The following CDK14 variants were observed in gnomAD, a reference collection of about 807,000 sequenced individuals.
CDK14 encodes the protein cyclin-dependent kinase 14.
A neutral mutation model predicts 60.7 loss-of-function variants in CDK14; 34 were observed. That is an observed-to-expected ratio of 0.56 (90% CI 0.43 to 0.75). The LOEUF is 0.75. Among genes scored for constraint, CDK14 ranks in the 30% least tolerant of loss-of-function variants. The pLI, the probability that CDK14 is intolerant of heterozygous loss-of-function variation, is 0.00. For synonymous variants in CDK14, 197 were observed against 203.7 expected, an observed-to-expected ratio of 0.97 and a Z score of 0.28; for missense variants, 482 against 564.1, an observed-to-expected ratio of 0.85 and a Z score of 1.47.
At chr7:90,709,187 G>A (rs563345853) in intron 2 of CDK14, 15 of 235,780 alleles carry the variant, frequency 6.4e-5, no homozygotes, top group African/African-American at 9.0e-5. Context: ...TATTTGGTGC[G>A]TGGTTATTTT....
chr7:91,091,393 A>G (rs562090609), intron 12 of CDK14, among the ~76,000 whole-genome samples: 10 of 144,004 alleles, frequency 6.9e-5, no homozygotes, highest in Non-Finnish European at 9.1e-5. Flanking sequence ...TTATATACAC[A>G]TATGTATATA....
At chr7:90,985,272 T>C (rs1000457719) in intron 10 of CDK14, among the ~76,000 whole-genome samples, 4 of 152,298 alleles carry the variant, frequency 2.6e-5, no homozygotes, top group Admixed American at 6.5e-5. Context: ...GTTTTAGCCA[T>C]GGGACTTTAA....
chr7:91,206,301 C>A (rs1802896018), intron 14 of CDK14, among the ~76,000 whole-genome samples: 1 of 152,212 alleles, frequency 6.6e-6, no homozygotes, highest in Admixed American at 6.5e-5. Flanking sequence ...GGGAAGATGA[C>A]TCTATGGCCC....
intron 4 of CDK14, among the ~76,000 whole-genome samples, chr7:90,785,817 C>G (rs1805557864): frequency 6.8e-6 from 1 of 147,898 alleles, no homozygotes; most frequent in Non-Finnish European, 1.5e-5. Context: ...GAGAAAACTT[C>G]TAGACCTTGC....
chr7:91,173,886 AC>A (rs1020154440), intron 14 of CDK14, among the ~76,000 whole-genome samples: 5 of 151,892 alleles, frequency 3.3e-5, no homozygotes, highest in Admixed American at 6.6e-5. Context: ...GGGGAGGGGC[AC>A]CCGCCATTGC....
intron 11 of CDK14, among the ~76,000 whole-genome samples, chr7:91,076,183 A>G (rs1798307392): frequency 6.6e-6 from 1 of 150,386 alleles, no homozygotes; most frequent in Non-Finnish European, 1.5e-5. Flanking sequence ...GAGCAAAAAG[A>G]ACAAAGCTGG....
chr7:90,669,464 CA>C (rs1484163142), intron 2 of CDK14, among the ~76,000 whole-genome samples: 1 of 152,138 alleles, frequency 6.6e-6, no homozygotes, highest in East Asian at 1.9e-4. Context: ...GAGATGTACA[CA>C]GACCCAAAAA....
At chr7:91,201,286 T>C (rs1344654164) in intron 14 of CDK14, among the ~76,000 whole-genome samples, 1 of 152,188 alleles carries the variant, frequency 6.6e-6, no homozygotes, top group Non-Finnish European at 1.5e-5. Context: ...AGTATTTTTT[T>C]CTTCTCTGTT....
intron 5 of CDK14, among the ~76,000 whole-genome samples, chr7:90,800,190 A>G (rs1461679404): frequency 4.6e-5 from 7 of 152,008 alleles, no homozygotes; most frequent in African/African-American, 1.7e-4. Flanking sequence ...TATTCATTCT[A>G]TTAGAATTCT....
intron 7 of CDK14, among the ~76,000 whole-genome samples, chr7:90,910,942 C>A (rs1482810128): frequency 6.6e-6 from 1 of 152,144 alleles, no homozygotes; most frequent in South Asian, 2.1e-4. Flanking sequence ...CCACCCTCCA[C>A]CCTCTGGTAG....
chr7:90,693,644 C>A (rs1313779309), intron 2 of CDK14, among the ~76,000 whole-genome samples: 2 of 152,160 alleles, frequency 1.3e-5, no homozygotes, highest in African/African-American at 4.8e-5. Flanking sequence ...AGATCCAATT[C>A]ATTGGCCTCA....
chr7:90,944,161 C>T (rs967367899), intron 8 of CDK14, among the ~76,000 whole-genome samples: 1 of 152,154 alleles, frequency 6.6e-6, no homozygotes, highest in Non-Finnish European at 1.5e-5. Context: ...ATGCAGCTGC[C>T]TGATTTTGGA....
intron 14 of CDK14, among the ~76,000 whole-genome samples, chr7:91,182,416 A>G (rs1802033218): frequency 6.6e-6 from 1 of 151,908 alleles, no homozygotes; most frequent in Non-Finnish European, 1.5e-5. Context: ...TTTGTTTAAT[A>G]ATATTGTAAA....
intron 2 of CDK14, among the ~76,000 whole-genome samples, chr7:90,714,502 C>T (rs1440522434): frequency 1.3e-5 from 2 of 152,060 alleles, no homozygotes; most frequent in African/African-American, 4.8e-5. Flanking sequence ...GGGTTACTGT[C>T]AAATTTATTA....
chr7:90,785,629 C>CA (rs1562769120), intron 4 of CDK14, among the ~76,000 whole-genome samples: 1 of 151,030 alleles, frequency 6.6e-6, no homozygotes, highest in African/African-American at 2.4e-5. Context: ...ACTAAAAATA[C>CA]AAAAAAAATT....
At chr7:90,988,122 T>C (rs1310229228) in intron 10 of CDK14, among the ~76,000 whole-genome samples, 1 of 152,186 alleles carries the variant, frequency 6.6e-6, no homozygotes, top group Non-Finnish European at 1.5e-5. Context: ...AAAGTCTTTA[T>C]GTTTTTCTTT....
chr7:90,729,510 G>A (rs1438154365), intron 3 of CDK14, among the ~76,000 whole-genome samples: 1 of 151,298 alleles, frequency 6.6e-6, no homozygotes, highest in Non-Finnish European at 1.5e-5. Flanking sequence ...GTTTTAGTAT[G>A]AATTGGTAAG....
At chr7:90,749,209 C>T (rs1183608498) in intron 4 of CDK14, among the ~76,000 whole-genome samples, 1 of 152,116 alleles carries the variant, frequency 6.6e-6, no homozygotes, top group Non-Finnish European at 1.5e-5. Flanking sequence ...GGCAGATCTC[C>T]AGGCCTTTGG....
chr7:90,862,429 T>C (rs560622759), intron 5 of CDK14, among the ~76,000 whole-genome samples: 1 of 152,244 alleles, frequency 6.6e-6, no homozygotes, highest in Admixed American at 6.5e-5. Flanking sequence ...ACATTACTTA[T>C]TGATAAAACG....
Sources: gnomAD v4.1 joint callset for allele counts (sites outside exome capture counted in the v4.1 genomes callset) on GRCh38, gnomAD v4.1.1 for gene constraint, MANE v1.5 for transcripts, NCBI Gene and HGNC (gene_info 2026-07-23, HGNC 2026-07-21) for gene names.